SOX6: variants seen among roughly 807,000 people sequenced by gnomAD.
SOX6 encodes the protein transcription factor SOX-6.
Under a neutral mutation model 97.8 loss-of-function variants are expected in SOX6, and 11 were observed. The ratio of observed to expected loss-of-function variants is 0.11; its 90% confidence interval spans 0.07 to 0.19. The LOEUF (loss-of-function observed/expected upper bound fraction) is 0.19. Among genes scored for constraint, SOX6 ranks in the 10% least tolerant of loss-of-function variants. SOX6 has a pLI of 1.00. For synonymous variants in SOX6, 360 were observed against 371.4 expected, an observed-to-expected ratio of 0.97 and a Z score of 0.35; for missense variants, 810 against 1,039.5, an observed-to-expected ratio of 0.78 and a Z score of 3.04.
chr11:16,531,012 C>CTA (rs142897878), intron 4 of SOX6, among the ~76,000 whole-genome samples: 6,160 of 144,558 alleles, frequency 0.043, 353 homozygotes, highest in African/African-American at 0.13. Context: ...ATATATTCCT[C>CTA]TATATATATA....
At chr11:16,161,909 C>T (rs1156337465) in intron 6 of SOX6, among the ~76,000 whole-genome samples, 1 of 152,130 alleles carries the variant, frequency 6.6e-6, no homozygotes, top group Admixed American at 6.6e-5. Flanking sequence ...TGTTTATGGT[C>T]CTCACTCTCT....
chr11:16,163,942 G>A (rs778140193), intron 6 of SOX6, among the ~76,000 whole-genome samples: 4 of 152,154 alleles, frequency 2.6e-5, no homozygotes, highest in Non-Finnish European at 5.9e-5. Context: ...GACAGGTTGC[G>A]AGACAAAGAA....
At chr11:16,634,960 T>C (rs960000967) in intron 3 of SOX6, among the ~76,000 whole-genome samples, 1 of 152,180 alleles carries the variant, frequency 6.6e-6, no homozygotes, top group Non-Finnish European at 1.5e-5. Context: ...GCTGCAACCA[T>C]GTGAAAAAGA....
At position 16,662,377 on chromosome 11, in the gene SOX6, T is replaced by G. The variant is rs78626871; in HGVS notation, n.430-50117A>C. Among the ~76,000 whole-genome samples, 889 of 152,330 alleles carry G rather than the reference T, an allele frequency of 5.8e-3. 12 individuals are homozygous for G. The highest frequency in any genetic ancestry group is 0.021 in the African/African-American group (853 of 41,586). ...TGTGAAAAGAATTCAATGTAATTCT[T>G]AACCTTATTCCTCTGTAAATAAGGT... On this transcript the variant is annotated intron_variant and non_coding_transcript_variant, in intron 3 of 5. Coordinates refer to the SOX6 transcript ENST00000524520.
chr11:16,288,698 T>C (rs1409056682), intron 3 of SOX6, among the ~76,000 whole-genome samples: 2 of 151,974 alleles, frequency 1.3e-5, no homozygotes, highest in Non-Finnish European at 2.9e-5. Flanking sequence ...TGAAGTTTCA[T>C]AACAGTTCAG....
At chr11:16,040,925 G>C (rs1855645217) in intron 12 of SOX6, among the ~76,000 whole-genome samples, 1 of 152,048 alleles carries the variant, frequency 6.6e-6, no homozygotes, top group Non-Finnish European at 1.5e-5. Flanking sequence ...CATAAAGAAA[G>C]AGTAGTACAC....
intron 3 of SOX6, among the ~76,000 whole-genome samples, chr11:16,618,782 T>C (rs1019193353): frequency 3.9e-5 from 6 of 152,036 alleles, no homozygotes; most frequent in African/African-American, 1.4e-4. Flanking sequence ...ACATACTGTA[T>C]GACTGTGACT....
At chr11:16,522,070 A>C (rs1565170882) in intron 4 of SOX6, among the ~76,000 whole-genome samples, 2 of 152,236 alleles carry the variant, frequency 1.3e-5, no homozygotes. Context: ...GATATTATCC[A>C]GGAGAACTTC....
intron 7 of SOX6, among the ~76,000 whole-genome samples, chr11:16,106,958 C>T (rs1199686584): frequency 1.3e-5 from 2 of 151,910 alleles, no homozygotes; most frequent in East Asian, 3.9e-4. Context: ...AGGAGATATC[C>T]AAATGGCCAA....
chr11:16,009,994 C>T (rs1854662272), intron 13 of SOX6, among the ~76,000 whole-genome samples: 1 of 151,760 alleles, frequency 6.6e-6, no homozygotes, highest in South Asian at 2.1e-4. Context: ...TAAGAGAGGG[C>T]ATTCATATTA....
In SOX6 at chr11:16,532,299, T is replaced by C. The variant is rs550134383; in HGVS notation, n.610-55911A>G. Among the ~76,000 whole-genome samples, 24 of 151,972 alleles carry C rather than the reference T, an allele frequency of 1.6e-4. 1 individual carries two copies. In the South Asian group the frequency reaches 4.6e-3, roughly 29 times the overall value. ...ATTTAGGAAAGGGCCTATTTATTCT[T>C]ACTCTTCAGTTTTTTAATCCACTGT... On this transcript the variant is annotated intron_variant and non_coding_transcript_variant, in intron 4 of 5. Coordinates refer to the SOX6 transcript ENST00000524520.
intron 4 of SOX6, among the ~76,000 whole-genome samples, chr11:16,589,348 T>G (rs1848126460): frequency 6.6e-6 from 1 of 152,208 alleles, no homozygotes; most frequent in Non-Finnish European, 1.5e-5. Flanking sequence ...AAATACAGAT[T>G]GACAGATTGA....
At chr11:16,364,309 A>G (rs533086366) in intron 1 of SOX6, among the ~76,000 whole-genome samples, 1 of 152,214 alleles carries the variant, frequency 6.6e-6, no homozygotes, top group African/African-American at 2.4e-5. Context: ...AGCCCATTCC[A>G]ATTAGGTTTT....
intron 4 of SOX6, among the ~76,000 whole-genome samples, chr11:16,505,773 C>A (rs1277423218): frequency 6.6e-6 from 1 of 152,210 alleles, no homozygotes; most frequent in Non-Finnish European, 1.5e-5. Context: ...CCCAGCTGCC[C>A]CAGCTCCAGC....
chr11:16,223,849 A>G (rs2134161099), intron 4 of SOX6, among the ~76,000 whole-genome samples: 1 of 152,224 alleles, frequency 6.6e-6, no homozygotes, highest in East Asian at 1.9e-4. Flanking sequence ...TCTCCATGTT[A>G]GCTATGTTTA....
At chr11:16,384,582 C>A (rs1857920479) in intron 1 of SOX6, among the ~76,000 whole-genome samples, 1 of 151,316 alleles carries the variant, frequency 6.6e-6, no homozygotes, top group African/African-American at 2.4e-5. Context: ...GACACACCCT[C>A]AATTTTAGAG....
intron 2 of SOX6, among the ~76,000 whole-genome samples, chr11:16,336,601 C>G (rs1042093673): frequency 2.6e-5 from 4 of 152,130 alleles, no homozygotes; most frequent in Admixed American, 6.6e-5. Context: ...ACTCTCTACA[C>G]AGCAGGCAAT....
At chr11:16,602,124 A>G (rs1565190665) in intron 4 of SOX6, among the ~76,000 whole-genome samples, 1 of 152,354 alleles carries the variant, frequency 6.6e-6, no homozygotes, top group East Asian at 1.9e-4. Context: ...TGCATTTTAA[A>G]AAATACATAT....
At chr11:16,259,265 T>G (rs1395802404) in intron 3 of SOX6, among the ~76,000 whole-genome samples, 1 of 151,976 alleles carries the variant, frequency 6.6e-6, no homozygotes, top group Non-Finnish European at 1.5e-5. Flanking sequence ...CTACAAAATA[T>G]TACTTTAATA....
Sources: gnomAD v4.1 joint callset for allele counts (sites outside exome capture counted in the v4.1 genomes callset) on GRCh38, gnomAD v4.1.1 for gene constraint, MANE v1.5 for transcripts, NCBI Gene and HGNC (gene_info 2026-07-23, HGNC 2026-07-21) for gene names.